The following TCF20 variants were observed in gnomAD, a reference collection of about 807,000 sequenced individuals.
TCF20 encodes transcription factor 20.
Under a neutral mutation model 148.6 loss-of-function variants are expected in TCF20, and 3 were observed. That is an observed-to-expected ratio of 0.02 (90% CI 0.01 to 0.05). The LOEUF is 0.05. Among genes scored for constraint, TCF20 ranks in the 10% least tolerant of loss-of-function variants. The pLI is 1.00. For synonymous variants in TCF20, 1,049 were observed against 909.5 expected, an observed-to-expected ratio of 1.15 and a Z score of -2.76; for missense variants, 2,350 against 2,429.3, an observed-to-expected ratio of 0.97 and a Z score of 0.69.
rs755733760 is a variant in TCF20 at position 42,212,550 on chromosome 22, G to C, written c.2756C>G (p.Thr919Ser). The C allele has an allele frequency of 6.2e-7, 1 of 1,613,934 alleles. No individual in the cohort carries two copies. The highest frequency in any genetic ancestry group is 8.5e-7 in the Non-Finnish European group (1 of 1,179,814). Reference sequence around the variant, plus strand: ...CTGCCCGCTCTGGGATTTCAGCTTGGTTTCCATGGACACCAAACCACCAGG... The same window carrying C: ...CTGCCCGCTCTGGGATTTCAGCTTGCTTTCCATGGACACCAAACCACCAGG... ...ILPGGLVSME[T>S]KLKSQSGQIK... Residue 919 changes from threonine (T) to serine (S), a missense_variant, in exon 2 of 6, where the codon ACC becomes AGC. Physicochemically the swap from Thr to Ser is moderately conservative, Grantham distance 58. Transcript: ENST00000677622.
chr22:42,329,558 A>C (rs1927933715), intron 1 of TCF20, among the ~76,000 whole-genome samples: 1 of 152,220 alleles, frequency 6.6e-6, no homozygotes, highest in African/African-American at 2.4e-5. Flanking sequence ...ACAGGGAGCT[A>C]TGGATGGTGT....
In TCF20 at chr22:42,292,838, T is replaced by C. The variant is rs746121370; in HGVS notation, c.-37+50641A>G. On this transcript the variant is annotated intron_variant, in intron 1 of 1. Transcript: ENST00000515426. This position sits in a 1 kb window ranked among gnomAD's most constrained non-coding sequence, Gnocchi z 4.9. ...GGAGAATCTACTGAATGACCGGGTCTCAGCTTGAGCGGCACAGACACATGG... is the reference window on the plus strand; with the variant it reads ...GGAGAATCTACTGAATGACCGGGTCCCAGCTTGAGCGGCACAGACACATGG... 6.0e-5 allele frequency among the ~76,000 whole-genome samples: 9 copies of C among 151,018 alleles called. No individual in the cohort carries two copies. Among genetic ancestry groups the C allele is most frequent in the Non-Finnish European group, 1.2e-4 (8 of 67,790 alleles).
Position 42,210,993 on chromosome 22 carries a change from C to T in TCF20, c.4313G>A (p.Arg1438His), listed in dbSNP as rs149724958. The change falls in exon 2 of 6, where the codon CGT (arginine) becomes CAT (histidine). Residue 1438 changes from arginine to histidine, a missense_variant. Arg to His is a conservative substitution (Grantham distance 29). Around this residue, in one of 7 missense-constraint regions of TCF20, gnomAD observed 231 missense variants for 213.7 expected, o/e 1.08. Coordinates refer to ENST00000677622, the MANE Select transcript of TCF20 (RefSeq NM_001378418.1). This position sits in a 1 kb window ranked among gnomAD's most constrained non-coding sequence, Gnocchi z 4.7. Reference protein sequence around the residue: ...KPLPRSSEEWRGSVDDKVKTE... With the variant: ...KPLPRSSEEWHGSVDDKVKTE... ...CTTCACTTTGTCATCCACGCTGCCA[C>T]GCCACTCTTCTGAAGACCTTGGAAG... 6.7e-5 allele frequency: 108 copies of T among 1,614,040 alleles called. No individual in the cohort carries two copies. The highest frequency in any genetic ancestry group is 8.9e-5 in the Non-Finnish European group (105 of 1,180,050).
chr22:42,253,323 A>G (rs2147354356), intron 1 of TCF20, among the ~76,000 whole-genome samples: 1 of 152,338 alleles, frequency 6.6e-6, no homozygotes, highest in South Asian at 2.1e-4. Flanking sequence ...TGGGTTCCAG[A>G]AAGAGAATTT....
At chr22:42,288,671 G>A (rs1396081836), upstream of TCF20, among the ~76,000 whole-genome samples, 2 of 134,772 alleles carry the variant, frequency 1.5e-5, no homozygotes. Flanking sequence ...TCATGCCACT[G>A]TACTCCAGTC....
At chr22:42,225,620 C>CA (rs57952215) in intron 1 of TCF20, among the ~76,000 whole-genome samples, 20,984 of 74,144 alleles carry the variant, frequency 0.28, 2,328 homozygotes, top group Non-Finnish European at 0.36. Flanking sequence ...GACTCCGTCT[C>CA]AAAAAAAAAA....
At chr22:42,261,759 C>T (rs980118315) in intron 1 of TCF20, among the ~76,000 whole-genome samples, 2 of 152,004 alleles carry the variant, frequency 1.3e-5, no homozygotes, top group South Asian at 4.2e-4. Flanking sequence ...TTTGGGAGGC[C>T]GAGGTGGGCA....
Position 42,160,255 on chromosome 22 carries a change from G to A in TCF20, c.*1148C>T, listed in dbSNP as rs1489997455. On this transcript the variant is annotated 3_prime_UTR_variant, in exon 6 of 6. Coordinates refer to ENST00000677622, the MANE Select transcript of TCF20 (RefSeq NM_001378418.1). ...AAAACAACACAACATAAAGAATCAC[G>A]TAGCATGGGGCTGCCTATCTGACAG... 1.3e-5 allele frequency: 2 copies of A among 152,440 alleles called. No homozygotes were observed. The highest frequency in any genetic ancestry group is 2.4e-5 in the African/African-American group (1 of 41,372). 9.4% of individuals were successfully genotyped at this position (152,440 alleles called of 1,614,324 possible). A position where few individuals can be genotyped will look rare whatever the true frequency, so the allele number is the denominator to read the frequency against.
rs562509478 is a variant in TCF20, at chr22:42,237,391, T to C, written c.-36-22050A>G. Among the ~76,000 whole-genome samples, 4 of 152,322 alleles carry C rather than the reference T, an allele frequency of 2.6e-5. No homozygotes were observed. In the East Asian group the frequency reaches 7.7e-4, roughly 29 times the overall value. On this transcript the variant is annotated intron_variant, in intron 1 of 5. Transcript: ENST00000677622. ...CCAGTCACATCTCCAGGCTCCACTT[T>C]TAATTCGAGTTCTCTTGCTATTTCT... is the stretch of plus-strand genomic sequence containing the variant.
intron 1 of TCF20, among the ~76,000 whole-genome samples, chr22:42,323,844 A>ATGGAGGTTATGGTGGTGGTGGTGGTGGTG (rs1927779718): frequency 1.2e-5 from 1 of 85,728 alleles, no homozygotes. Flanking sequence ...CGGTGGTGGT[A>ATGGAGGTTATGGTGGTGGTGGTGGTGGTG]GTGGTGATGG....
At chr22:42,188,578 T>A (rs1937172259) in intron 2 of TCF20, among the ~76,000 whole-genome samples, 1 of 152,066 alleles carries the variant, frequency 6.6e-6, no homozygotes, top group Non-Finnish European at 1.5e-5. Flanking sequence ...GAAACATGGG[T>A]TGGATGAAAA....
intron 1 of TCF20, among the ~76,000 whole-genome samples, chr22:42,325,446 G>C (rs895785180): frequency 2.6e-5 from 4 of 152,220 alleles, no homozygotes; most frequent in Non-Finnish European, 4.4e-5. Context: ...ACCCTTTCCT[G>C]CCCAGTAAAC....
In TCF20 at chr22:42,213,804, G is replaced by C. The variant is rs989754889; in HGVS notation, c.1502C>G (p.Ser501Cys). 1 of 1,614,062 alleles carries C rather than the reference G, an allele frequency of 6.2e-7. No individual in the cohort carries two copies. Among genetic ancestry groups the C allele is most frequent in the African/African-American group, 1.3e-5 (1 of 74,924 alleles). The stretch of plus-strand genomic sequence containing the variant: ...TTCTTCAGGTTGTGAGGAGCCTTCA[G>C]AATTTGTGCAGCTATCTGCTTTCTT... ...SSKKADSCTN[S>C]EGSSQPEEQL... Residue 501 changes from serine (S) to cysteine (C), a missense_variant, in exon 2 of 6, where the codon TCT (serine) becomes TGT (cysteine). Ser to Cys is a moderately radical substitution (Grantham distance 112, BLOSUM62 -1). Transcript: ENST00000677622.
intron 1 of TCF20, among the ~76,000 whole-genome samples, chr22:42,227,662 C>G (rs1454976176): frequency 2.6e-5 from 4 of 152,218 alleles, no homozygotes; most frequent in African/African-American, 9.6e-5. Flanking sequence ...GTCAATCAAT[C>G]TGGAATAGTT....
At chr22:42,269,502 T>G (rs1046048223) in intron 1 of TCF20, among the ~76,000 whole-genome samples, 1 of 152,052 alleles carries the variant, frequency 6.6e-6, no homozygotes, top group Admixed American at 6.5e-5. Flanking sequence ...CATTCCGGCG[T>G]CCAGAGGACA....
chr22:42,305,907 C>T (rs1601700551), intron 1 of TCF20, among the ~76,000 whole-genome samples: 1 of 152,256 alleles, frequency 6.6e-6, no homozygotes, highest in South Asian at 2.1e-4. Context: ...GCACTGGCAG[C>T]CGTGGAGGGC....
At position 42,179,615 on chromosome 22, in the gene TCF20, C is replaced by G; in HGVS notation, c.5743G>C (p.Asp1915His). The G allele has an allele frequency of 6.2e-7, 1 of 1,613,666 alleles. No homozygotes were observed. Among genetic ancestry groups the G allele is most frequent in the Non-Finnish European group, 8.5e-7 (1 of 1,179,722 alleles). ...GTCTGTGGTCTCCTCTTACCTGCAT[C>G]AATGGCACACGGGTAATGGTATCGG... ...SFRYHYPCAI[D>H]ADCLLHEENF... is the part of the protein sequence containing the mutation. Residue 1915 changes from aspartate (D) to histidine (H), a missense_variant, in exon 3 of 6, where the codon GAT becomes CAT. Transcript: ENST00000677622.
At chr22:42,206,811 G>A (rs867935598) in intron 2 of TCF20, among the ~76,000 whole-genome samples, 25 of 152,274 alleles carry the variant, frequency 1.6e-4, no homozygotes, top group Middle Eastern at 3.4e-3. Context: ...TTTTACTATA[G>A]TCTATGGGCA....
chr22:42,313,083 C>T (rs552295958), intron 1 of TCF20, among the ~76,000 whole-genome samples: 137 of 152,316 alleles, frequency 9.0e-4, no homozygotes, highest in African/African-American at 3.2e-3. Flanking sequence ...GACAAGCCTC[C>T]GGACTTTTCT....
Sources: allele counts gnomAD v4.1 joint callset (sites outside exome capture counted in the v4.1 genomes callset), GRCh38; gene constraint gnomAD v4.1.1; regional missense constraint gnomAD v4.1.1; non-coding constraint Gnocchi (gnomAD v3.1); transcripts MANE v1.5; gene names NCBI Gene and HGNC (gene_info 2026-07-23, HGNC 2026-07-21).